SCN11A: variants seen among roughly 807,000 people sequenced by gnomAD.
SCN11A encodes the protein sodium voltage-gated channel alpha subunit 11, also known as sodium channel protein type 11 subunit alpha.
In SCN11A, 122 loss-of-function variants were observed where a neutral mutation model predicts 162.2. The ratio of observed to expected loss-of-function variants is 0.75; its 90% CI spans 0.65 to 0.87. The LOEUF (loss-of-function observed/expected upper bound fraction) is 0.87. Ranked by LOEUF, SCN11A falls within the 40% of genes least tolerant of loss-of-function variation. The pLI, the probability that SCN11A is intolerant of heterozygous loss-of-function variation, is 0.00. For missense variants in SCN11A, 2,015 were observed against 2,181.6 expected, an observed-to-expected ratio of 0.92 and a Z score of 1.52; for synonymous variants, 758 against 751.5, an observed-to-expected ratio of 1.01 and a Z score of -0.14.
chr3:38,969,135 C>G (rs1272562150), intron 2 of SCN11A, among the ~76,000 whole-genome samples: 1 of 152,054 alleles, frequency 6.6e-6, no homozygotes, highest in African/African-American at 2.4e-5. Context: ...ACAAGGCAGG[C>G]AGGCAGGCAG....
chr3:38,987,297 T>TCACA lies in SCN11A; in HGVS notation c.-279-26875_-279-26874insTGTG, dbSNP rs1395412357. Among the ~76,000 whole-genome samples the TCACA allele has an allele frequency of 3.6e-3, 417 of 117,096 alleles. 3 individuals carry two copies. The highest frequency in any genetic ancestry group is 0.016 in the African/African-American group (358 of 21,806). 76.8% of individuals were successfully genotyped at this position (117,096 alleles called of 152,430 possible). A position where few individuals can be genotyped will look rare whatever the true frequency, so the allele number is the denominator to read the frequency against. On this transcript the variant is annotated intron_variant, in intron 2 of 29. Transcript: ENST00000302328. ...GTGCCTTTCTCTCTCTCTCTCTCTC[T>TCACA]CTCTCTCACACACACACACACACAC... is the stretch of plus-strand genomic sequence containing the variant.
intron 1 of SCN11A, among the ~76,000 whole-genome samples, chr3:39,034,109 C>A (rs1321010246): frequency 6.6e-6 from 1 of 152,094 alleles, no homozygotes; most frequent in East Asian, 1.9e-4. Context: ...TTGCAGTGAG[C>A]CGAGATCGCA....
At chr3:38,938,532 ATATATATATATATATATATTTTTTTTTTT>A (rs2066380815) in intron 7 of SCN11A, among the ~76,000 whole-genome samples, 1 of 18,558 alleles carries the variant, frequency 5.4e-5, no homozygotes, top group African/African-American at 2.9e-4. Flanking sequence ...ATATATATAT[ATATATATATATATATATATTTTTTTTTTT>A]TTTTTTTTTT....
At chr3:38,883,123 C>T (rs2065337080) in intron 22 of SCN11A, 110 bp downstream of exon 22, 1 of 938,010 alleles carries the variant, frequency 1.1e-6, no homozygotes, top group Non-Finnish European at 1.6e-6. Flanking sequence ...GCATCAGAGA[C>T]CACTTCTGTC....
intron 2 of SCN11A, among the ~76,000 whole-genome samples, chr3:39,022,134 T>A (rs1436074258): frequency 6.6e-6 from 1 of 152,202 alleles, no homozygotes; most frequent in Non-Finnish European, 1.5e-5. Context: ...GGTTTGTGTG[T>A]CCTCTGCTTC....
chr3:39,037,907 G>C (rs754079162), intron 1 of SCN11A, among the ~76,000 whole-genome samples: 3 of 152,166 alleles, frequency 2.0e-5, no homozygotes, highest in African/African-American at 4.8e-5. Flanking sequence ...AGGTGTCAAG[G>C]CTTCTTACAT....
At position 38,925,498 on chromosome 3, in the gene SCN11A, T is replaced by C. The variant is rs757928572; in HGVS notation, c.629A>G (p.Tyr210Cys). 1.9e-6 allele frequency: 3 copies of C among 1,611,644 alleles called. No individual in the cohort carries two copies. The highest frequency in any genetic ancestry group is 1.1e-5 in the South Asian group (1 of 91,030). Residue 210 changes from tyrosine to cysteine, a missense_variant, in exon 9 of 30, where the codon TAT becomes TGT. By Grantham distance (194) the Tyr-to-Cys change is radical. Coordinates refer to ENST00000302328, the MANE Select transcript of SCN11A (RefSeq NM_001349253.2). Reference protein sequence around the residue: ...SIVIGIAIVSYIPGITIKLLP... With the variant: ...SIVIGIAIVSCIPGITIKLLP... ...TAGTTTGATGGTGATTCCTGGAATATATGACACAATCCTACAAGACAAAGC... is the reference window on the plus strand; with the variant it reads ...TAGTTTGATGGTGATTCCTGGAATACATGACACAATCCTACAAGACAAAGC...
intron 2 of SCN11A, among the ~76,000 whole-genome samples, chr3:39,016,056 G>A (rs1559575025): frequency 6.6e-6 from 1 of 152,272 alleles, no homozygotes; most frequent in East Asian, 1.9e-4. Flanking sequence ...GGCGCTATCA[G>A]GAGAAACTGA....
At chr3:38,987,006 T>C (rs1002281076) in intron 2 of SCN11A, among the ~76,000 whole-genome samples, 1 of 152,062 alleles carries the variant, frequency 6.6e-6, no homozygotes, top group Non-Finnish European at 1.5e-5. Flanking sequence ...GCAAGACCAG[T>C]AGAGACACAT....
chr3:38,849,029 TG>T (rs1211254884), intron 29 of SCN11A, among the ~76,000 whole-genome samples: 2 of 152,230 alleles, frequency 1.3e-5, no homozygotes, highest in African/African-American at 4.8e-5. Context: ...TGGCTTAATA[TG>T]TAGATTTTCT....
rs538187129 is a variant in SCN11A, at chr3:38,979,472, T to C, written c.-279-19049A>G. Reference sequence around the variant, plus strand: ...TTCTGAATCTTCTGAGTCCTCCAGATACTGCCATCTCCATGGTCCATCCTT... The same window carrying C: ...TTCTGAATCTTCTGAGTCCTCCAGACACTGCCATCTCCATGGTCCATCCTT... On this transcript the variant is annotated intron_variant, in intron 2 of 29. Transcript: ENST00000302328. Among the ~76,000 whole-genome samples the C allele has an allele frequency of 4.6e-5, 7 of 152,346 alleles. No individual in the cohort carries two copies. In the East Asian group the frequency reaches 1.2e-3, roughly 25 times the overall value.
chr3:38,943,230 A>T (rs1384965508), intron 7 of SCN11A, among the ~76,000 whole-genome samples: 1 of 152,240 alleles, frequency 6.6e-6, no homozygotes, highest in African/African-American at 2.4e-5. Context: ...AGTATCATAC[A>T]TAGCATATGA....
chr3:38,876,806 A>G (rs2065214645), intron 23 of SCN11A, among the ~76,000 whole-genome samples: 1 of 152,026 alleles, frequency 6.6e-6, no homozygotes, highest in South Asian at 2.1e-4. Context: ...TTCCTTAAAG[A>G]ACTAAAAGTA....
In SCN11A at chr3:39,008,761, T is replaced by C. The variant is rs568453489; in HGVS notation, c.-280+23619A>G. On this transcript the variant is annotated intron_variant, in intron 2 of 29. Coordinates refer to ENST00000302328, the MANE Select transcript of SCN11A (RefSeq NM_001349253.2). ...GGGTGGGTGTAGTGGCACGTGCCTG[T>C]AGTCCCAGCTACTCAGGAGGCTGAG... 3.9e-5 allele frequency among the ~76,000 whole-genome samples: 6 copies of C among 152,086 alleles called. No individual in the cohort carries two copies. In the East Asian group the frequency reaches 1.2e-3, roughly 29 times the overall value.
At chr3:38,866,264 G>T (rs954580809) in intron 27 of SCN11A, among the ~76,000 whole-genome samples, 1 of 151,688 alleles carries the variant, frequency 6.6e-6, no homozygotes, top group Non-Finnish European at 1.5e-5. Context: ...TGTTGCCCAG[G>T]CTGGAATGCA....
At chr3:38,926,436 T>C (rs962427163) in intron 8 of SCN11A, among the ~76,000 whole-genome samples, 3 of 152,184 alleles carry the variant, frequency 2.0e-5, no homozygotes, top group East Asian at 3.8e-4. Context: ...GGGCCATTAA[T>C]TGTTACTTTT....
chr3:38,930,713 T>A (rs1207843300), intron 7 of SCN11A, among the ~76,000 whole-genome samples: 1 of 152,146 alleles, frequency 6.6e-6, no homozygotes, highest in African/African-American at 2.4e-5. Flanking sequence ...CAAAATGACA[T>A]CTGATGTGGA....
At chr3:38,856,180 CTG>C (rs2064866383) in intron 28 of SCN11A, among the ~76,000 whole-genome samples, 1 of 152,192 alleles carries the variant, frequency 6.6e-6, no homozygotes, top group Non-Finnish European at 1.5e-5. Flanking sequence ...CAGGCATCCT[CTG>C]TGATTGTGAA....
chr3:38,924,591 C>A (rs1356365410), intron 9 of SCN11A, among the ~76,000 whole-genome samples: 3 of 151,960 alleles, frequency 2.0e-5, no homozygotes, highest in African/African-American at 7.3e-5. Context: ...CAGGCTGATA[C>A]CAAACTTCTG....
Sources: allele counts gnomAD v4.1 joint callset (sites outside exome capture counted in the v4.1 genomes callset), GRCh38; gene constraint gnomAD v4.1.1; transcripts MANE v1.5; gene names NCBI Gene and HGNC (gene_info 2026-07-23, HGNC 2026-07-21).